Variants in GPHN observed in about 807,000 individuals in gnomAD.
The protein encoded by GPHN is gephyrin.
GPHN carries 17 observed loss-of-function variants against 95.5 expected under a neutral mutation model. The observed-to-expected ratio is 0.18, with a 90% CI of 0.12 to 0.27. GPHN has a LOEUF of 0.27. Ranked by LOEUF, GPHN falls within the 10% of genes least tolerant of loss-of-function variation. GPHN has a pLI of 1.00. For missense variants in GPHN, 660 were observed against 978.1 expected (o/e 0.67, Z 4.34); for synonymous variants, 320 against 322.5 (o/e 0.99, Z 0.08).
At chr14:67,458,264 G>C in the GPHN span, among the ~76,000 whole-genome samples, 15 of 152,288 alleles carry the variant, frequency 9.8e-5, no homozygotes, top group Middle Eastern at 3.4e-3. Flanking sequence ...TGGAGCTGGA[G>C]TGTGGGGTGA....
intron 3 of GPHN, among the ~76,000 whole-genome samples, chr14:66,786,778 A>G (rs747024614): frequency 2.0e-4 from 30 of 152,264 alleles, no homozygotes; most frequent in Middle Eastern, 3.4e-3. Context: ...GAAAAATCAA[A>G]TGATCATATC....
chr14:66,914,275 G>T (rs1175212337), intron 5 of GPHN, among the ~76,000 whole-genome samples: 2 of 152,040 alleles, frequency 1.3e-5, no homozygotes, highest in Non-Finnish European at 2.9e-5. Context: ...GGAATAAAAA[G>T]AATTAACTAA....
At chr14:66,860,409 C>A (rs113973562) in intron 4 of GPHN, among the ~76,000 whole-genome samples, 79 of 152,062 alleles carry the variant, frequency 5.2e-4, no homozygotes, top group African/African-American at 1.6e-3. Flanking sequence ...AATAAAGACT[C>A]TCAGACAAAC....
chr14:67,315,862 T>C, the GPHN span, among the ~76,000 whole-genome samples: 1 of 152,164 alleles, frequency 6.6e-6, no homozygotes, highest in Non-Finnish European at 1.5e-5. Context: ...AAGGCGGAGG[T>C]TGCGGTGAGC....
At chr14:66,977,796 T>G (rs2070361771) in intron 9 of GPHN, among the ~76,000 whole-genome samples, 1 of 152,156 alleles carries the variant, frequency 6.6e-6, no homozygotes, top group Non-Finnish European at 1.5e-5. Context: ...ATCTGTTTGG[T>G]TTTTGTTTGT....
At chr14:67,303,794 A>C in the GPHN span, among the ~76,000 whole-genome samples, 1 of 151,118 alleles carries the variant, frequency 6.6e-6, no homozygotes, top group Non-Finnish European at 1.5e-5. Context: ...GGAAGATGGA[A>C]TCTCCATCTG....
intron 6 of GPHN, among the ~76,000 whole-genome samples, chr14:66,921,203 A>C (rs991428005): frequency 6.6e-6 from 1 of 152,188 alleles, no homozygotes; most frequent in Non-Finnish European, 1.5e-5. Flanking sequence ...ACTAGTTTAC[A>C]TTCCCACCAG....
At chr14:67,728,501 G>C in the GPHN span, among the ~76,000 whole-genome samples, 1 of 152,118 alleles carries the variant, frequency 6.6e-6, no homozygotes, top group Admixed American at 6.5e-5. Context: ...CCTTGGCCCT[G>C]CACCCTGCCA....
the GPHN span, chr14:67,349,183 T>C: frequency 1.5e-6 from 2 of 1,341,952 alleles, no homozygotes; most frequent in Admixed American, 2.0e-5. Context: ...AGTTTTAACA[T>C]TAAATGAGAC....
the GPHN span, among the ~76,000 whole-genome samples, chr14:67,548,467 G>A: frequency 6.6e-6 from 1 of 152,200 alleles, no homozygotes; most frequent in Non-Finnish European, 1.5e-5. Context: ...GGAGGCCAAG[G>A]CGGGCAGATC....
At chr14:66,945,346 C>G (rs1204144343) in intron 8 of GPHN, among the ~76,000 whole-genome samples, 1 of 152,224 alleles carries the variant, frequency 6.6e-6, no homozygotes, top group Non-Finnish European at 1.5e-5. Flanking sequence ...TAGCTCCACC[C>G]CATCCTCCCA....
At chr14:67,313,070 A>G in the GPHN span, among the ~76,000 whole-genome samples, 1 of 152,196 alleles carries the variant, frequency 6.6e-6, no homozygotes, top group African/African-American at 2.4e-5. Flanking sequence ...GGAAAGATGC[A>G]TAACTTTATA....
the GPHN span, among the ~76,000 whole-genome samples, chr14:67,296,757 C>G: frequency 2.0e-5 from 3 of 152,060 alleles, no homozygotes; most frequent in Admixed American, 2.0e-4. Flanking sequence ...TGTTTTGAGA[C>G]AGAGTCTTGC....
intron 1 of GPHN, among the ~76,000 whole-genome samples, chr14:66,653,594 A>G (rs745876983): frequency 6.6e-6 from 1 of 152,000 alleles, no homozygotes; most frequent in Non-Finnish European, 1.5e-5. Flanking sequence ...CCCTTTCCCC[A>G]TCTCCCACCT....
At chr14:66,512,379 T>C (rs200210613) in intron 1 of GPHN, among the ~76,000 whole-genome samples, 4 of 151,978 alleles carry the variant, frequency 2.6e-5, no homozygotes, top group South Asian at 4.1e-4. Context: ...GAATGTAGAA[T>C]CATATAGATT....
chr14:67,061,074 T>C (rs2075807304), intron 11 of GPHN, among the ~76,000 whole-genome samples: 1 of 152,150 alleles, frequency 6.6e-6, no homozygotes, highest in Admixed American at 6.5e-5. Flanking sequence ...GGAGTTTTGC[T>C]CTTGTTGCCC....
the GPHN span, among the ~76,000 whole-genome samples, chr14:67,517,935 C>A: frequency 0.012 from 1,811 of 152,296 alleles, 40 homozygotes; most frequent in African/African-American, 0.042. Flanking sequence ...CAGGGGTGCA[C>A]AGGGTAGAGC....
the GPHN span, among the ~76,000 whole-genome samples, chr14:67,400,437 C>G: frequency 6.6e-6 from 1 of 152,204 alleles, no homozygotes; most frequent in Non-Finnish European, 1.5e-5. Flanking sequence ...AAAGATTTGT[C>G]TTTGACTTCT....
intron 5 of GPHN, among the ~76,000 whole-genome samples, chr14:66,910,931 A>G (rs553652123): frequency 1.3e-5 from 2 of 152,020 alleles, no homozygotes; most frequent in Non-Finnish European, 2.9e-5. Flanking sequence ...AAAATGAACT[A>G]TAGCTATGCA....
Sources: gnomAD v4.1 joint callset for allele counts (sites outside exome capture counted in the v4.1 genomes callset) on GRCh38, gnomAD v4.1.1 for gene constraint, MANE v1.5 for transcripts, NCBI Gene and HGNC (gene_info 2026-07-23, HGNC 2026-07-21) for gene names.